The following ROCK2 variants were observed in gnomAD, a reference collection of about 807,000 sequenced individuals.
The protein encoded by ROCK2 is rho-associated protein kinase 2.
A neutral mutation model predicts 195.1 loss-of-function variants in ROCK2; 61 were observed. That is an observed-to-expected ratio of 0.31 (90% CI 0.25 to 0.39). The LOEUF (loss-of-function observed/expected upper bound fraction) is 0.39, where lower values mean the gene tolerates loss of function less well. Among genes scored for constraint, ROCK2 ranks in the 10% least tolerant of loss-of-function variants. The probability of loss-of-function intolerance (pLI) is 1.00; values close to 1 mark genes in which losing one functional copy is unlikely to be tolerated. For synonymous variants in ROCK2, 504 were observed against 545.5 expected, an observed-to-expected ratio of 0.92 and a Z score of 1.06; for missense variants, 1,109 against 1,637.4, an observed-to-expected ratio of 0.68 and a Z score of 5.57.
intron 3 of ROCK2, among the ~76,000 whole-genome samples, chr2:11,255,643 G>A (rs1020710131): frequency 6.6e-6 from 1 of 150,964 alleles, no homozygotes; most frequent in Non-Finnish European, 1.5e-5. Flanking sequence ...AACTAGGCCG[G>A]GTGCAGTGGC....
intron 5 of ROCK2, among the ~76,000 whole-genome samples, chr2:11,231,290 G>A (rs904405219): frequency 1.3e-5 from 2 of 151,430 alleles, no homozygotes; most frequent in Admixed American, 6.6e-5. Context: ...TGTAACCTCC[G>A]CCTCCTGGGT....
intron 11 of ROCK2, chr2:11,217,444 A>G: frequency 2.2e-6 from 1 of 463,404 alleles, no homozygotes; most frequent in Non-Finnish European, 4.0e-6. Context: ...TCTATGACAC[A>G]AAGTTTCAAA....
intron 23 of ROCK2, 74 bp downstream of exon 23, chr2:11,200,879 ATACT>A (rs1663826237): frequency 8.0e-7 from 1 of 1,244,190 alleles, no homozygotes. Context: ...TAGATCTGTG[ATACT>A]TAGTATGTCT....
chr2:11,245,740 A>G (rs1665591578), intron 4 of ROCK2, among the ~76,000 whole-genome samples: 1 of 152,172 alleles, frequency 6.6e-6, no homozygotes, highest in Admixed American at 6.5e-5. Context: ...AGGCTTCGTT[A>G]AAGGTTTCAG....
chr2:11,283,700 A>G (rs1209055684), intron 3 of ROCK2, among the ~76,000 whole-genome samples: 2 of 152,188 alleles, frequency 1.3e-5, no homozygotes, highest in South Asian at 2.1e-4. Flanking sequence ...AGATACTGTT[A>G]AACACCTAAT....
At chr2:11,252,597 T>C (rs1665872729) in intron 3 of ROCK2, among the ~76,000 whole-genome samples, 1 of 152,080 alleles carries the variant, frequency 6.6e-6, no homozygotes, top group African/African-American at 2.4e-5. Flanking sequence ...GTGGCACATA[T>C]ACACCATGGA....
chr2:11,274,818 T>A (rs1339675113), intron 3 of ROCK2, among the ~76,000 whole-genome samples: 1 of 152,196 alleles, frequency 6.6e-6, no homozygotes, highest in Non-Finnish European at 1.5e-5. Context: ...TCCCCTCTTA[T>A]CCTCAGGAAA....
intron 25 of ROCK2, 39 bp downstream of exon 25, chr2:11,198,452 A>G (rs1420225359): frequency 1.4e-6 from 2 of 1,382,844 alleles, no homozygotes; most frequent in Non-Finnish European, 2.0e-6. Flanking sequence ...ATAAACTGAG[A>G]CAAAATTCAA....
chr2:11,215,075 G>A lies in ROCK2; in HGVS notation c.1701C>T (p.Thr567=), dbSNP rs1442011496. The A allele has an allele frequency of 6.2e-7, 1 of 1,613,832 alleles. No individual in the cohort carries two copies. The highest frequency in any genetic ancestry group is 8.5e-7 in the Non-Finnish European group (1 of 1,179,926). Residue 567 remains threonine (T), a synonymous_variant, in exon 16 of 33, where the codon ACC becomes ACT. Coordinates refer to ENST00000315872, the MANE Select transcript of ROCK2 (RefSeq NM_004850.5). ...CAGACTCTGTTCGCAGTAAAGCATT[G>A]GTTTCATCCAGCTGTTATTCCATTC... is the stretch of plus-strand genomic sequence containing the variant. The part of the protein sequence containing the change: ...VNQLQRQLDE[T]NALLRTESDT...
At chr2:11,341,002 G>A (rs1669086505) in intron 1 of ROCK2, among the ~76,000 whole-genome samples, 1 of 151,962 alleles carries the variant, frequency 6.6e-6, no homozygotes. Context: ...AGTATGAGAA[G>A]CTGGTCTTGA....
At chr2:11,229,162 A>T (rs1287276627) in intron 5 of ROCK2, among the ~76,000 whole-genome samples, 1 of 152,172 alleles carries the variant, frequency 6.6e-6, no homozygotes, top group Non-Finnish European at 1.5e-5. Context: ...AGTAATTACT[A>T]ATAGTAAACT....
chr2:11,320,754 C>G (rs971448401), intron 1 of ROCK2, among the ~76,000 whole-genome samples: 1 of 152,162 alleles, frequency 6.6e-6, no homozygotes, highest in Admixed American at 6.5e-5. Context: ...AGGAGAAAAA[C>G]AAAGTGAGCC....
At chr2:11,310,047 G>C (rs368292912) in intron 1 of ROCK2, among the ~76,000 whole-genome samples, 4 of 152,092 alleles carry the variant, frequency 2.6e-5, no homozygotes, top group East Asian at 1.9e-4. Context: ...TTCTATGAAT[G>C]GACTGAACTA....
chr2:11,194,030 T>C (rs1194031703), intron 29 of ROCK2, 173 bp from the exon 30 acceptor site: 2 of 451,720 alleles, frequency 4.4e-6, no homozygotes, highest in Non-Finnish European at 7.7e-6. Context: ...GAAACCTCTA[T>C]GTCAGAAATT....
upstream of ROCK2, among the ~76,000 whole-genome samples, chr2:11,344,989 C>T (rs1215573635): frequency 1.3e-5 from 2 of 150,926 alleles, no homozygotes; most frequent in African/African-American, 2.4e-5. The surrounding 1 kb of genome is among the most constrained non-coding windows in gnomAD (Gnocchi z 5.4). Flanking sequence ...ACCCCAGACG[C>T]CGGGCCCAGC....
chr2:11,274,352 G>A (rs1002681863), intron 3 of ROCK2, among the ~76,000 whole-genome samples: 2 of 151,942 alleles, frequency 1.3e-5, no homozygotes, highest in Non-Finnish European at 2.9e-5. Flanking sequence ...ATCCAAAAGA[G>A]TCACAAACCT....
chr2:11,310,718 C>G (rs1301710250), intron 1 of ROCK2, among the ~76,000 whole-genome samples: 1 of 151,818 alleles, frequency 6.6e-6, no homozygotes, highest in East Asian at 1.9e-4. Context: ...AAAATAAAAG[C>G]TCAATTGAAG....
intron 3 of ROCK2, among the ~76,000 whole-genome samples, chr2:11,263,673 A>ACACAC (rs1553308475): frequency 1.4e-5 from 2 of 142,682 alleles, no homozygotes; most frequent in African/African-American, 2.6e-5. Context: ...ACACACACAC[A>ACACAC]AAAAAAAACA....
At chr2:11,337,264 CAG>C (rs1211477086) in intron 1 of ROCK2, among the ~76,000 whole-genome samples, 7 of 149,350 alleles carry the variant, frequency 4.7e-5, no homozygotes, top group African/African-American at 1.7e-4. Context: ...AAAAAAGAGA[CAG>C]AGAGAGAGAT....
Sources: gnomAD v4.1 joint callset for allele counts (sites outside exome capture counted in the v4.1 genomes callset) on GRCh38, gnomAD v4.1.1 for gene constraint, Gnocchi (gnomAD v3.1) non-coding constraint, MANE v1.5 for transcripts, NCBI Gene and HGNC (gene_info 2026-07-23, HGNC 2026-07-21) for gene names.